Variants in CDK10 observed in about 807,000 individuals in gnomAD.
The protein encoded by CDK10 is cyclin dependent kinase 10.
In CDK10, 55 loss-of-function variants were observed where a neutral mutation model predicts 51.0. The observed-to-expected ratio is 1.08, with a 90% CI of 0.87 to 1.35. The LOEUF is 1.35. CDK10 is among the 40% of genes most tolerant of loss of function. The pLI is 0.00. For synonymous variants in CDK10, 255 were observed against 199.1 expected (o/e 1.28, Z -2.36); for missense variants, 589 against 485.1 (o/e 1.21, Z -2.01).
chr16:89,694,290 G>A (rs753533544), intron 9 of CDK10, 58 bp downstream of exon 9: 6 of 1,562,244 alleles, frequency 3.8e-6, no homozygotes, highest in Non-Finnish European at 5.3e-6. Flanking sequence ...CAGGAGCCGG[G>A]TCACCTGGTT....
chr16:89,690,612 A>C lies in CDK10; in HGVS notation c.220A>C (p.Lys74Gln). ...CGCACTGAAGAAGGTGCGGATGGACAAGGAGAAGGATGGTGAGCAGGAAAT... is the reference window on the plus strand; with the variant it reads ...CGCACTGAAGAAGGTGCGGATGGACCAGGAGAAGGATGGTGAGCAGGAAAT... Reference protein sequence around the residue: ...IVALKKVRMDKEKDGIPISSL... With the variant: ...IVALKKVRMDQEKDGIPISSL... The change falls in exon 3 of 13, where the codon AAG (lysine) becomes CAG (glutamine). Residue 74 changes from lysine to glutamine, a missense_variant. Physicochemically the swap from Lys to Gln is moderately conservative, Grantham distance 53 (BLOSUM62 1). Coordinates refer to ENST00000353379, the MANE Select transcript of CDK10 (RefSeq NM_052988.5). 6.2e-6 allele frequency: 10 copies of C among 1,614,010 alleles called. No homozygotes were observed. The highest frequency in any genetic ancestry group is 7.6e-6 in the Non-Finnish European group (9 of 1,179,892).
rs180916106 is a variant in CDK10, at chr16:89,694,283, G to C, written c.668+51G>C. 1.3e-4 allele frequency: 204 copies of C among 1,580,488 alleles called. No homozygotes were observed. The East Asian group carries it at 4.1e-3, about 32-fold the overall frequency. On this transcript the variant is annotated intron_variant, in intron 9 of 12. Coordinates refer to ENST00000353379, the MANE Select transcript of CDK10 (RefSeq NM_052988.5). Reference sequence around the variant, plus strand: ...GGGGCCTCAGGAAGGGCTGGGACAGGAGCCGGGTCACCTGGTTCCTGAGCT... The same window carrying C: ...GGGGCCTCAGGAAGGGCTGGGACAGCAGCCGGGTCACCTGGTTCCTGAGCT...
At chr16:89,687,044 G>A (rs2060223485) in intron 1 of CDK10, 3 of 410,180 alleles carry the variant, frequency 7.3e-6, no homozygotes, top group Middle Eastern at 6.5e-4. Context: ...CGGAGAGACG[G>A]GCCCGGGACT....
rs1179411371 is a variant in CDK10, at chr16:89,686,793, A to C, written c.83A>C (p.His28Pro). 1 of 1,610,600 alleles carries C rather than the reference A, an allele frequency of 6.2e-7. No homozygotes were observed. Among genetic ancestry groups the C allele is most frequent in the South Asian group, 1.1e-5 (1 of 90,748 alleles). ...GGCTTCTTCACGGTGCCTCCGGAAC[A>C]CAGGGTGCGCGGGGTGCCACCCGGG... ...KEGFFTVPPEHRLGRCRSVKE... is the reference protein window; with the variant it reads ...KEGFFTVPPEPRLGRCRSVKE... The change falls in exon 1 of 13, where the codon CAC becomes CCC. Residue 28 changes from histidine (H) to proline (P), a missense_variant. His to Pro is a moderately conservative substitution (Grantham distance 77). Transcript: ENST00000353379.
chr16:89,687,366 A>G, intron 1 of CDK10: 2 of 429,240 alleles, frequency 4.7e-6, no homozygotes, highest in South Asian at 3.2e-5. Context: ...AGAGCCCTGA[A>G]CTTTGGCCGC....
At chr16:89,691,207 C>T (rs2060429477) in intron 3 of CDK10, among the ~76,000 whole-genome samples, 1 of 152,158 alleles carries the variant, frequency 6.6e-6, no homozygotes, top group South Asian at 2.1e-4. Flanking sequence ...ATTGCTTGAA[C>T]CCGGGAGGCA....
intron 1 of CDK10, chr16:89,687,691 G>C (rs1221023733): frequency 6.9e-6 from 3 of 432,326 alleles, no homozygotes; most frequent in African/African-American, 4.0e-5. Context: ...GGCCTCCCAA[G>C]TGCTGGAATT....
chr16:89,688,182 C>G (rs1413194003), intron 1 of CDK10, among the ~76,000 whole-genome samples: 1 of 149,982 alleles, frequency 6.7e-6, no homozygotes, highest in African/African-American at 2.5e-5. Flanking sequence ...CCTGGGTTCA[C>G]GCCATCCTCC....
intron 3 of CDK10, among the ~76,000 whole-genome samples, 173 bp from the exon 4 acceptor site, chr16:89,691,270 C>T (rs1025434987): frequency 2.6e-5 from 4 of 151,338 alleles, no homozygotes; most frequent in Admixed American, 2.0e-4. Flanking sequence ...GGGCAACGAG[C>T]GAAACTCCGT....
intron 1 of CDK10, 96 bp from the exon 2 acceptor site, chr16:89,689,156 C>G (rs1038980647): frequency 1.8e-6 from 2 of 1,129,550 alleles, no homozygotes; most frequent in Non-Finnish European, 2.7e-6. Context: ...GTGAGCAAGA[C>G]GTGAGTGGGC....
At chr16:89,694,495 G>C (rs1016742554) in intron 9 of CDK10, 170 bp from the exon 10 acceptor site, 2 of 1,249,302 alleles carry the variant, frequency 1.6e-6, no homozygotes, top group Non-Finnish European at 2.2e-6. Flanking sequence ...AGGCCTGCGG[G>C]GCCCAGGAGG....
rs780528014 is a variant in CDK10 at position 89,694,698 on chromosome 16, G to A, written c.702G>A (p.Ala234=). 9.3e-5 allele frequency: 148 copies of A among 1,587,596 alleles called. No homozygotes were observed. Among genetic ancestry groups the A allele is most frequent in the Non-Finnish European group, 1.1e-4 (130 of 1,167,764 alleles). Residue 234 remains alanine (A), a synonymous_variant, in exon 10 of 13, where the codon GCG becomes GCA. Transcript: ENST00000353379. ...AVGCILAELL[A]HRPLLPGTSE... ...GCTGCATACTGGCCGAGCTGCTGGC[G>A]CACAGGCCTCTTCTCCCCGGCACTT...
intron 10 of CDK10, 47 bp from the exon 11 acceptor site, chr16:89,694,863 ACGCCCTCTGCGCCCGCAGCCC>A (rs2060634433): frequency 2.0e-6 from 3 of 1,492,744 alleles, no homozygotes; most frequent in Non-Finnish European, 2.7e-6. Flanking sequence ...GCCCGTGCCC[ACGCCCTCTGCGCCCGCAGCCC>A]CCGCCCGTGC....
Position 89,692,517 on chromosome 16 carries a change from G to A in CDK10, c.485+1G>A. The A allele has an allele frequency of 1.3e-6, 2 of 1,585,774 alleles. No homozygotes were observed. The highest frequency in any genetic ancestry group is 1.7e-6 in the Non-Finnish European group (2 of 1,165,836). On this transcript the variant is annotated splice_donor_variant, in intron 6 of 12. Transcript: ENST00000353379. LOFTEE classifies it high-confidence loss of function. ...TGCACAGGAACTTCATTATCCACAG[G>A]TGGGTGACAGCTAGGCAGAGTTGGA...
Position 89,692,449 on chromosome 16 carries a change from G to C in CDK10, c.418G>C (p.Val140Leu), listed in dbSNP as rs761194408. 6.3e-7 allele frequency: 1 copy of C among 1,587,184 alleles called. No homozygotes were observed. Among genetic ancestry groups the C allele is most frequent in the South Asian group, 1.1e-5 (1 of 87,728 alleles). Reference protein sequence around the residue: ...NMPTPFSEAQVKCIVLQVLRG... With the variant: ...NMPTPFSEAQLKCIVLQVLRG... ...CTGGTACCTCTGACCCTCTGCACAG[G>C]TCAAGTGCATCGTGCTGCAGGTGCT... The change falls in exon 6 of 13, where the codon GTC becomes CTC. Residue 140 changes from valine to leucine, a missense_variant and splice_region_variant. Transcript: ENST00000353379.
chr16:89,689,616 G>A (rs984344859), intron 2 of CDK10: 1 of 373,976 alleles, frequency 2.7e-6, no homozygotes, highest in African/African-American at 2.1e-5. Context: ...GAAGCAGCAG[G>A]AGCTGGACAT....
At chr16:89,690,727 G>C (rs1382402368) in intron 3 of CDK10, 103 bp downstream of exon 3, 1 of 1,020,004 alleles carries the variant, frequency 9.8e-7, no homozygotes, top group Non-Finnish European at 1.6e-6. Context: ...CTTGTAGCGG[G>C]GGCCGGCCTC....
intron 8 of CDK10, 168 bp downstream of exon 8, chr16:89,693,635 C>A: frequency 1.5e-6 from 1 of 656,944 alleles, no homozygotes. Context: ...CACAGCAGGG[C>A]TGTGCCACAA....
chr16:89,690,513 G>T (rs1037418376), intron 2 of CDK10, 40 bp from the exon 3 acceptor site: 4 of 1,579,756 alleles, frequency 2.5e-6, no homozygotes, highest in Admixed American at 1.7e-5. Context: ...CCCACGAGGG[G>T]CATCGAGATG....
Sources: gnomAD v4.1 joint callset for allele counts (sites outside exome capture counted in the v4.1 genomes callset) on GRCh38, gnomAD v4.1.1 for gene constraint, MANE v1.5 for transcripts, NCBI Gene and HGNC (gene_info 2026-07-23, HGNC 2026-07-21) for gene names.